The following NRXN3 variants were observed in gnomAD, a reference collection of about 807,000 sequenced individuals.
NRXN3 encodes the protein neurexin 3.
NRXN3 carries 32 observed loss-of-function variants against 137.6 expected under a neutral mutation model. The observed-to-expected ratio is 0.23, with a 90% CI of 0.18 to 0.31. NRXN3 has a LOEUF of 0.31. NRXN3 is among the 10% of genes least tolerant of loss of function. The pLI, the probability that NRXN3 is intolerant of heterozygous loss-of-function variation, is 1.00. For synonymous variants in NRXN3, 798 were observed against 784.5 expected, an observed-to-expected ratio of 1.02 and a Z score of -0.29; for missense variants, 1,574 against 2,062.5, an observed-to-expected ratio of 0.76 and a Z score of 4.59.
At position 78,645,103 on chromosome 14, in the gene NRXN3, C is replaced by T; in HGVS notation, c.758-17C>T. On this transcript the variant is annotated splice_polypyrimidine_tract_variant and intron_variant, in intron 4 of 20. Transcript: ENST00000335750. The stretch of plus-strand genomic sequence containing the variant: ...CCAGACAAGTGCTGATTGCTTTCCT[C>T]TTTTCTTTTCCTATAGCTCGAGAGG... 1.3e-6 allele frequency: 2 copies of T among 1,526,916 alleles called. No individual in the cohort carries two copies. The highest frequency in any genetic ancestry group is 1.2e-5 in the South Asian group (1 of 82,716). 94.6% of individuals were successfully genotyped at this position (1,526,916 alleles called of 1,614,324 possible).
chr14:78,970,264 C>T, intron 14 of NRXN3, among the ~76,000 whole-genome samples: 1 of 148,368 alleles, frequency 6.7e-6, no homozygotes, highest in East Asian at 1.9e-4. Flanking sequence ...TTATAAATTT[C>T]CTAGTAGCTA....
chr14:79,379,078 A>G (rs1346848832), intron 15 of NRXN3, among the ~76,000 whole-genome samples: 1 of 152,138 alleles, frequency 6.6e-6, no homozygotes, highest in Non-Finnish European at 1.5e-5. Context: ...CTGGTATTCA[A>G]CTGCAGGCCT....
intron 10 of NRXN3, among the ~76,000 whole-genome samples, chr14:78,934,956 G>GTAA (rs34363893): frequency 0.023 from 3,519 of 149,904 alleles, 99 homozygotes; most frequent in African/African-American, 0.064. Flanking sequence ...AACTTAAAGT[G>GTAA]TAATAATAAT....
chr14:79,036,035 T>C (rs1349705866), intron 15 of NRXN3, among the ~76,000 whole-genome samples: 1 of 152,120 alleles, frequency 6.6e-6, no homozygotes, highest in African/African-American at 2.4e-5. Context: ...ATGCTGTCAC[T>C]TTCTTCTTGA....
chr14:79,212,777 G>C (rs1216334981), intron 15 of NRXN3, among the ~76,000 whole-genome samples: 1 of 150,696 alleles, frequency 6.6e-6, no homozygotes, highest in Admixed American at 6.6e-5. Flanking sequence ...CCTTCTCAGA[G>C]CCTTAAAAAA....
At chr14:78,505,478 C>T (rs994932315) in intron 4 of NRXN3, among the ~76,000 whole-genome samples, 2 of 152,026 alleles carry the variant, frequency 1.3e-5, no homozygotes, top group Non-Finnish European at 2.9e-5. Flanking sequence ...CCTGCCTCTT[C>T]TAAAGGGGAC....
chr14:79,280,552 C>G (rs774073047), intron 15 of NRXN3: 35 of 1,605,538 alleles, frequency 2.2e-5, no homozygotes, highest in Non-Finnish European at 2.8e-5. Context: ...GGTCTCTCTG[C>G]TCTTTATCCT....
chr14:79,133,156 G>A (rs2127448), intron 15 of NRXN3, among the ~76,000 whole-genome samples: 98,446 of 152,158 alleles, frequency 0.65, 32,461 homozygotes, highest in East Asian at 0.77. Context: ...ATTTTTTGTT[G>A]AAGATTTCCC....
chr14:79,285,554 G>A (rs1343716448), intron 15 of NRXN3, among the ~76,000 whole-genome samples: 1 of 152,106 alleles, frequency 6.6e-6, no homozygotes, highest in Non-Finnish European at 1.5e-5. Context: ...AGTTCTTTCT[G>A]ACATCTCTCT....
intron 15 of NRXN3, among the ~76,000 whole-genome samples, chr14:79,107,692 A>G (rs1179781758): frequency 6.6e-6 from 1 of 152,086 alleles, no homozygotes; most frequent in Non-Finnish European, 1.5e-5. Flanking sequence ...GTTCTTGGAT[A>G]GGGAGGTAGA....
At chr14:78,917,501 A>G (rs1567697803) in intron 10 of NRXN3, among the ~76,000 whole-genome samples, 1 of 152,236 alleles carries the variant, frequency 6.6e-6, no homozygotes, top group Non-Finnish European at 1.5e-5. Context: ...AGAGGACTAT[A>G]TATAGCCTTA....
At chr14:79,406,535 T>C (rs2153504718) in intron 15 of NRXN3, among the ~76,000 whole-genome samples, 1 of 152,092 alleles carries the variant, frequency 6.6e-6, no homozygotes, top group South Asian at 2.1e-4. Flanking sequence ...TCTCCTAGGC[T>C]CAAGCAATTC....
Position 79,101,257 on chromosome 14 carries a change from G to A in NRXN3, c.3262+113116G>A, listed in dbSNP as rs946151902. Among the ~76,000 whole-genome samples, 3 of 152,130 alleles carry A rather than the reference G, an allele frequency of 2.0e-5. No individual in the cohort carries two copies. In the South Asian group the frequency reaches 6.2e-4, roughly 32 times the overall value. On this transcript the variant is annotated intron_variant, in intron 15 of 20. Transcript: ENST00000335750. ...GTACAATAGTTAGTGTCCCACTATT[G>A]TACTTGTGGAATGACTCTGAAATTG... is the stretch of plus-strand genomic sequence containing the variant.
At chr14:79,587,417 C>T (rs995850033) in intron 16 of NRXN3, among the ~76,000 whole-genome samples, 1 of 152,198 alleles carries the variant, frequency 6.6e-6, no homozygotes, top group Non-Finnish European at 1.5e-5. Flanking sequence ...CATGATTTGC[C>T]TCTGCTGGAC....
At chr14:78,691,710 T>A (rs1654912413) in intron 6 of NRXN3, among the ~76,000 whole-genome samples, 1 of 151,724 alleles carries the variant, frequency 6.6e-6, no homozygotes, top group Non-Finnish European at 1.5e-5. Flanking sequence ...CTGTTAGTAT[T>A]TTCTTCAAGG....
At chr14:79,754,529 T>TATATATACAC (rs2099011557) in intron 19 of NRXN3, among the ~76,000 whole-genome samples, 2 of 82,864 alleles carry the variant, frequency 2.4e-5, no homozygotes, top group Non-Finnish European at 4.3e-5. Flanking sequence ...TATATATATA[T>TATATATACAC]ATATATATAT....
intron 15 of NRXN3, among the ~76,000 whole-genome samples, chr14:79,368,393 G>A (rs2093975559): frequency 1.3e-5 from 2 of 152,210 alleles, no homozygotes; most frequent in African/African-American, 4.8e-5. Flanking sequence ...GATGCTAAGT[G>A]TTGAGGCTAG....
intron 15 of NRXN3, among the ~76,000 whole-genome samples, chr14:79,336,807 C>T (rs1215373663): frequency 2.0e-5 from 3 of 152,188 alleles, no homozygotes; most frequent in African/African-American, 2.4e-5. Context: ...TTTCCATCCA[C>T]ACATTCTTAC....
intron 19 of NRXN3, among the ~76,000 whole-genome samples, chr14:79,797,339 A>C (rs1218011621): frequency 6.6e-6 from 1 of 152,194 alleles, no homozygotes; most frequent in Non-Finnish European, 1.5e-5. Flanking sequence ...AAGAGGGGAA[A>C]GTAATAGCTG....
Sources: allele counts gnomAD v4.1 joint callset (sites outside exome capture counted in the v4.1 genomes callset), GRCh38; gene constraint gnomAD v4.1.1; transcripts MANE v1.5; gene names NCBI Gene and HGNC (gene_info 2026-07-23, HGNC 2026-07-21).